PTPRD: variants seen among roughly 807,000 people sequenced by gnomAD.
The protein encoded by PTPRD is protein tyrosine phosphatase receptor type D.
PTPRD carries 34 observed loss-of-function variants against 214.5 expected under a neutral mutation model. That is an observed-to-expected ratio of 0.16 (90% CI 0.12 to 0.21). The LOEUF is 0.21. PTPRD is among the 10% of genes least tolerant of loss of function. The probability of loss-of-function intolerance (pLI) is 1.00; values close to 1 mark genes in which losing one functional copy is unlikely to be tolerated. For synonymous variants in PTPRD, 1,128 were observed against 845.7 expected (o/e 1.33, Z -5.79); for missense variants, 2,545 against 2,398.7 (o/e 1.06, Z -1.27).
At chr9:8,801,135 A>G (rs1041614961) in intron 11 of PTPRD, among the ~76,000 whole-genome samples, 4 of 152,234 alleles carry the variant, frequency 2.6e-5, no homozygotes, top group Non-Finnish European at 5.9e-5. Context: ...GAGTCACAAG[A>G]TCATGATGAT....
chr9:9,302,452 A>C (rs534840027), intron 9 of PTPRD, among the ~76,000 whole-genome samples: 1 of 146,530 alleles, frequency 6.8e-6, no homozygotes. Context: ...TGAGATGTAC[A>C]GGACAAAGTT....
intron 12 of PTPRD, among the ~76,000 whole-genome samples, chr9:8,653,555 T>A (rs1175380403): frequency 6.6e-6 from 1 of 152,158 alleles, no homozygotes; most frequent in African/African-American, 2.4e-5. Flanking sequence ...CTGTTCTGAA[T>A]GGCTAAGCTT....
At chr9:10,257,992 A>T (rs922646783) in intron 3 of PTPRD, among the ~76,000 whole-genome samples, 5 of 152,120 alleles carry the variant, frequency 3.3e-5, no homozygotes, top group African/African-American at 1.2e-4. Flanking sequence ...AGGAGAAGGT[A>T]GGTGGCAGGG....
In PTPRD at chr9:9,964,133, C is replaced by T. The variant is rs189739840; in HGVS notation, c.-471-25523G>A. On this transcript the variant is annotated intron_variant, in intron 4 of 45. Coordinates refer to ENST00000381196, the MANE Select transcript of PTPRD (RefSeq NM_002839.4). ...AGAGAGAGACAGATGCCTGTATGGG[C>T]TTTTGAAATATAACCAGAAAGATAT... is the stretch of plus-strand genomic sequence containing the variant. 2.4e-3 allele frequency among the ~76,000 whole-genome samples: 312 copies of T among 131,540 alleles called. 1 individual carries two copies. The highest frequency in any genetic ancestry group is 9.1e-3 in the Middle Eastern group (2 of 220). 86.3% of individuals were successfully genotyped at this position (131,540 alleles called of 152,430 possible).
At chr9:8,494,039 C>CAG (rs372020910) in intron 26 of PTPRD, among the ~76,000 whole-genome samples, 7,209 of 150,228 alleles carry the variant, frequency 0.048, 351 homozygotes, top group Non-Finnish European at 0.068. Flanking sequence ...CACACACACA[C>CAG]AGCAATATAA....
chr9:10,233,553 C>G (rs2099619185), intron 3 of PTPRD, among the ~76,000 whole-genome samples: 1 of 151,740 alleles, frequency 6.6e-6, no homozygotes, highest in Non-Finnish European at 1.5e-5. Flanking sequence ...CATTTTATTT[C>G]AAGAAAGCCA....
intron 11 of PTPRD, among the ~76,000 whole-genome samples, chr9:8,940,716 T>A: frequency 6.6e-6 from 1 of 152,094 alleles, no homozygotes; most frequent in African/African-American, 2.4e-5. Context: ...ACACTCTCCA[T>A]CTTTCCCAAG....
At chr9:9,068,540 T>G (rs994078008) in intron 10 of PTPRD, among the ~76,000 whole-genome samples, 4 of 152,204 alleles carry the variant, frequency 2.6e-5, no homozygotes, top group African/African-American at 7.2e-5. Flanking sequence ...TTTGTGTCAC[T>G]TTTAACACTT....
chr9:8,904,751 T>C (rs1181645444), intron 11 of PTPRD, among the ~76,000 whole-genome samples: 1 of 151,910 alleles, frequency 6.6e-6, no homozygotes. Flanking sequence ...TATATTACTG[T>C]GGTCTGTAGA....
intron 3 of PTPRD, among the ~76,000 whole-genome samples, chr9:10,176,325 T>C (rs185628892): frequency 1.3e-5 from 2 of 151,990 alleles, no homozygotes; most frequent in East Asian, 3.9e-4. Context: ...AATCATCTTT[T>C]AGGAATGTAA....
At chr9:9,020,432 T>G (rs968961382) in intron 10 of PTPRD, among the ~76,000 whole-genome samples, 1 of 152,098 alleles carries the variant, frequency 6.6e-6, no homozygotes, top group East Asian at 1.9e-4. Flanking sequence ...ATAATGACAG[T>G]TGACATAAAA....
chr9:9,375,581 G>A (rs1260935933), intron 9 of PTPRD, among the ~76,000 whole-genome samples: 1 of 152,000 alleles, frequency 6.6e-6, no homozygotes, highest in African/African-American at 2.4e-5. Flanking sequence ...GGGCAACAGG[G>A]CAAGACTCCG....
At chr9:9,946,572 C>T (rs1366335876) in intron 4 of PTPRD, among the ~76,000 whole-genome samples, 2 of 152,084 alleles carry the variant, frequency 1.3e-5, no homozygotes, top group Non-Finnish European at 2.9e-5. Flanking sequence ...CTTACCGAGG[C>T]ACACTCTTTT....
intron 7 of PTPRD, among the ~76,000 whole-genome samples, chr9:9,647,218 G>A (rs1297385736): frequency 6.6e-6 from 1 of 151,658 alleles, no homozygotes; most frequent in Non-Finnish European, 1.5e-5. Flanking sequence ...CTTCTCAAAT[G>A]TGCCAGTTGT....
At chr9:10,480,424 G>A (rs1321715713) in intron 2 of PTPRD, among the ~76,000 whole-genome samples, 1 of 152,118 alleles carries the variant, frequency 6.6e-6, no homozygotes, top group Non-Finnish European at 1.5e-5. Flanking sequence ...TTATAAGGTA[G>A]TATTACCTGA....
intron 11 of PTPRD, among the ~76,000 whole-genome samples, chr9:8,909,497 C>G (rs2098732124): frequency 1.3e-5 from 2 of 151,962 alleles, no homozygotes; most frequent in South Asian, 4.2e-4. Flanking sequence ...AAGGGCAAAG[C>G]CATATGATCA....
At chr9:9,935,860 G>C (rs2089152094) in intron 5 of PTPRD, among the ~76,000 whole-genome samples, 1 of 148,646 alleles carries the variant, frequency 6.7e-6, no homozygotes, top group Non-Finnish European at 1.5e-5. Flanking sequence ...AAACAGCATG[G>C]TACTGGTACC....
At chr9:10,037,174 T>C (rs1208849524) in intron 3 of PTPRD, among the ~76,000 whole-genome samples, 1 of 152,072 alleles carries the variant, frequency 6.6e-6, no homozygotes, top group South Asian at 2.1e-4. Flanking sequence ...TACAGCACCA[T>C]GCACCACAAA....
intron 12 of PTPRD, among the ~76,000 whole-genome samples, chr9:8,714,087 A>G (rs1360997789): frequency 6.6e-6 from 1 of 152,184 alleles, no homozygotes; most frequent in African/African-American, 2.4e-5. Context: ...GGCCCTAATT[A>G]AAGCCTAAGG....
Sources: gnomAD v4.1 joint callset for allele counts (sites outside exome capture counted in the v4.1 genomes callset) on GRCh38, gnomAD v4.1.1 for gene constraint, MANE v1.5 for transcripts, NCBI Gene and HGNC (gene_info 2026-07-23, HGNC 2026-07-21) for gene names.